PELI2: variants seen among roughly 807,000 people sequenced by gnomAD.
PELI2 encodes E3 ubiquitin-protein ligase pellino homolog 2.
PELI2 carries 23 observed loss-of-function variants against 42.3 expected under a neutral mutation model. The observed-to-expected ratio is 0.54, with a 90% confidence interval of 0.39 to 0.77. PELI2 has a LOEUF of 0.77. Among genes scored for constraint, PELI2 ranks in the 30% least tolerant of loss-of-function variants. The pLI, the probability that PELI2 is intolerant of heterozygous loss-of-function variation, is 0.00. For missense variants in PELI2, 463 were observed against 553.2 expected (o/e 0.84, Z 1.64); for synonymous variants, 245 against 212.2 (o/e 1.15, Z -1.34).
chr14:56,222,258 C>T (rs979272324), intron 2 of PELI2, among the ~76,000 whole-genome samples: 4 of 152,264 alleles, frequency 2.6e-5, no homozygotes, highest in Middle Eastern at 3.4e-3. Context: ...TAAATCATTT[C>T]GTAGCTGTGA....
intron 1 of PELI2, among the ~76,000 whole-genome samples, chr14:56,135,177 G>A (rs769847098): frequency 6.6e-6 from 1 of 152,196 alleles, no homozygotes; most frequent in African/African-American, 2.4e-5. Context: ...GGTTCTGTGA[G>A]CATGTGTGCT....
At chr14:56,208,297 C>A (rs1222129283) in intron 2 of PELI2, among the ~76,000 whole-genome samples, 3 of 152,120 alleles carry the variant, frequency 2.0e-5, no homozygotes, top group Non-Finnish European at 4.4e-5. Context: ...AGAGGACTTT[C>A]CAGAAGAGAT....
At chr14:56,178,606 A>T in intron 2 of PELI2, 142 bp downstream of exon 2, 1 of 973,564 alleles carries the variant, frequency 1.0e-6, no homozygotes, top group Non-Finnish European at 1.5e-6. Flanking sequence ...CTTTGTTGTG[A>T]GGGGCTGTGC....
Position 56,118,548 on chromosome 14 carries a change from C to G in PELI2, c.-113C>G, listed in dbSNP as rs1269611578. 1.6e-6 allele frequency: 1 copy of G among 607,414 alleles called. No individual in the cohort carries two copies. The highest frequency in any genetic ancestry group is 1.9e-5 in the African/African-American group (1 of 51,396). The allele number at this position is 607,414 out of a possible 1,614,324, so 37.6% of individuals were successfully genotyped here. A position where few individuals can be genotyped will look rare whatever the true frequency, so the allele number is the denominator to read the frequency against. ...GCCCCCTTCGCCGCCGTGCCCTTCC[C>G]CGGCGCGCTCACCCCGTTCTCGGGA... is the stretch of plus-strand genomic sequence containing the variant. On this transcript the variant is annotated 5_prime_UTR_variant, in exon 1 of 6. Transcript: ENST00000267460.
intron 2 of PELI2, among the ~76,000 whole-genome samples, chr14:56,229,856 A>G (rs866269250): frequency 6.6e-5 from 10 of 152,236 alleles, no homozygotes; most frequent in African/African-American, 2.2e-4. Context: ...CCTTGAAAAA[A>G]GATTGGACAA....
At chr14:56,145,982 T>C (rs1566605210) in intron 1 of PELI2, among the ~76,000 whole-genome samples, 1 of 152,212 alleles carries the variant, frequency 6.6e-6, no homozygotes, top group Non-Finnish European at 1.5e-5. Context: ...TAATGAAATA[T>C]AAAACTATAA....
chr14:56,137,142 A>G (rs1316476398), intron 1 of PELI2, among the ~76,000 whole-genome samples: 3 of 151,984 alleles, frequency 2.0e-5, no homozygotes, highest in Non-Finnish European at 4.4e-5. Context: ...TAAAGATGGG[A>G]TTTGTAACCT....
chr14:56,146,274 A>G (rs948193698), intron 1 of PELI2, among the ~76,000 whole-genome samples: 4 of 152,150 alleles, frequency 2.6e-5, no homozygotes, highest in Non-Finnish European at 4.4e-5. Context: ...TTTGTTAGTG[A>G]CAGACAATGG....
intron 2 of PELI2, among the ~76,000 whole-genome samples, chr14:56,238,737 A>G (rs1887879600): frequency 6.6e-6 from 1 of 152,234 alleles, no homozygotes; most frequent in Non-Finnish European, 1.5e-5. Context: ...GTACAGAGAC[A>G]CGAAGCTTGT....
chr14:56,122,679 G>C (rs1047777577), intron 1 of PELI2, among the ~76,000 whole-genome samples: 2 of 151,940 alleles, frequency 1.3e-5, no homozygotes, highest in Non-Finnish European at 2.9e-5. Flanking sequence ...AGGGTCCACA[G>C]ATGGAGTTCG....
intron 1 of PELI2, chr14:56,145,130 G>GTCACTAACAAAAAACCAA (rs1884068160): frequency 5.4e-6 from 1 of 185,312 alleles, no homozygotes; most frequent in Non-Finnish European, 1.0e-5. Context: ...GTGTGGCTGG[G>GTCACTAACAAAAAACCAA]GAGGCCTCAG....
At chr14:56,264,422 C>A (rs188952905) in intron 2 of PELI2, among the ~76,000 whole-genome samples, 123 of 152,090 alleles carry the variant, frequency 8.1e-4, no homozygotes, top group Non-Finnish European at 6.3e-4. Flanking sequence ...TACAGTACAC[C>A]AGAAAAAGGA....
At chr14:56,209,407 T>A (rs1445545653) in intron 2 of PELI2, among the ~76,000 whole-genome samples, 1 of 152,212 alleles carries the variant, frequency 6.6e-6, no homozygotes, top group Non-Finnish European at 1.5e-5. Context: ...CCAATCGATG[T>A]GTTGCAACAG....
At chr14:56,144,367 C>T (rs1388536578) in intron 1 of PELI2, among the ~76,000 whole-genome samples, 1 of 152,236 alleles carries the variant, frequency 6.6e-6, no homozygotes, top group African/African-American at 2.4e-5. Context: ...CAGACTAGAA[C>T]TCTTGGGCAT....
At chr14:56,121,626 TGA>T (rs1348137157) in intron 1 of PELI2, among the ~76,000 whole-genome samples, 1 of 152,228 alleles carries the variant, frequency 6.6e-6, no homozygotes, top group Non-Finnish European at 1.5e-5. Context: ...GCTCAGGATT[TGA>T]GAGGCAGTTT....
chr14:56,228,466 A>C (rs1319832602), intron 2 of PELI2, among the ~76,000 whole-genome samples: 1 of 152,166 alleles, frequency 6.6e-6, no homozygotes, highest in Non-Finnish European at 1.5e-5. Flanking sequence ...TCTTTTATTT[A>C]TTTTTATTTT....
intron 3 of PELI2, among the ~76,000 whole-genome samples, chr14:56,284,620 T>TA (rs202050022): frequency 0.17 from 25,885 of 152,150 alleles, 2,522 homozygotes; most frequent in South Asian, 0.37. Flanking sequence ...TAGTATCTAT[T>TA]AAGTTAAGAG....
At chr14:56,141,237 C>T (rs1402081014) in intron 1 of PELI2, among the ~76,000 whole-genome samples, 1 of 152,146 alleles carries the variant, frequency 6.6e-6, no homozygotes, top group East Asian at 1.9e-4. Flanking sequence ...ATTTTCCAGG[C>T]ATTATTCTGT....
chr14:56,208,552 A>G (rs143566686), intron 2 of PELI2, among the ~76,000 whole-genome samples: 235 of 152,356 alleles, frequency 1.5e-3, no homozygotes, highest in African/African-American at 5.2e-3. Context: ...GCATGAATCA[A>G]TGCAGTGGCT....
Sources: allele counts gnomAD v4.1 joint callset (sites outside exome capture counted in the v4.1 genomes callset), GRCh38; gene constraint gnomAD v4.1.1; transcripts MANE v1.5; gene names NCBI Gene and HGNC (gene_info 2026-07-23, HGNC 2026-07-21).